The following CISD2 variants were observed in gnomAD, a reference collection of about 807,000 sequenced individuals.
CISD2 encodes the protein CDGSH iron sulfur domain 2.
In CISD2, 1 loss-of-function variant was observed where a neutral mutation model predicts 12.9. The observed-to-expected ratio is 0.08, with a 90% CI of 0.03 to 0.37. CISD2 has a LOEUF of 0.37. CISD2 is among the 10% of genes least tolerant of loss of function. The pLI is 0.99. For synonymous variants in CISD2, 50 were observed against 60.6 expected (o/e 0.83, Z 0.81); for missense variants, 97 against 163.1 (o/e 0.59, Z 2.21).
At chr4:102,886,339 A>C (rs1180905261) in intron 2 of CISD2, among the ~76,000 whole-genome samples, 2 of 151,982 alleles carry the variant, frequency 1.3e-5, no homozygotes, top group African/African-American at 2.4e-5. Context: ...AATACAAAAA[A>C]AATTAGCCAG....
chr4:102,872,259 G>A (rs1223313272), intron 1 of CISD2, among the ~76,000 whole-genome samples: 1 of 152,002 alleles, frequency 6.6e-6, no homozygotes, highest in Admixed American at 6.6e-5. Flanking sequence ...TAGTAGAGAC[G>A]GAGTTTCACC....
intron 1 of CISD2, among the ~76,000 whole-genome samples, chr4:102,873,350 C>A (rs1417238845): frequency 6.6e-6 from 1 of 152,200 alleles, no homozygotes. Context: ...CCACTCATTG[C>A]AGCCTTGACT....
In CISD2 at chr4:102,888,621, T is replaced by C. The variant is rs2110405871; in HGVS notation, c.*1191T>C. ...ATTATGAATCTTTTTAGTTTCATCT[T>C]ACATTACTACTCTCATAATAGCTAT... On this transcript the variant is annotated 3_prime_UTR_variant, in exon 3 of 3. Transcript: ENST00000273986. 6.6e-6 allele frequency: 1 copy of C among 152,392 alleles called. No individual in the cohort carries two copies. The highest frequency in any genetic ancestry group is 1.9e-4 in the East Asian group (1 of 5,196). 9.4% of individuals were successfully genotyped at this position (152,392 alleles called of 1,614,324 possible).
At chr4:102,886,893 G>T (rs1733953320) in intron 2 of CISD2, among the ~76,000 whole-genome samples, 1 of 152,172 alleles carries the variant, frequency 6.6e-6, no homozygotes, top group South Asian at 2.1e-4. Flanking sequence ...GGGATTACAG[G>T]CGTAAACTAC....
At chr4:102,869,507 C>T in intron 1 of CISD2, 1 of 702,552 alleles carries the variant, frequency 1.4e-6, no homozygotes, top group South Asian at 1.5e-5. Flanking sequence ...CTGCTCATCG[C>T]TCTCTGTAGC....
chr4:102,877,286 G>A (rs1309989397), intron 1 of CISD2, among the ~76,000 whole-genome samples: 2 of 152,202 alleles, frequency 1.3e-5, no homozygotes, highest in African/African-American at 4.8e-5. Context: ...AAGATACAAT[G>A]GCAGTACAGG....
intron 1 of CISD2, among the ~76,000 whole-genome samples, chr4:102,880,559 T>A (rs2110396567): frequency 6.6e-6 from 1 of 152,170 alleles, no homozygotes; most frequent in Middle Eastern, 3.4e-3. Context: ...ACGTCCATAA[T>A]CCCAGCTATT....
rs1396665186 is a variant in CISD2, at chr4:102,889,447, GTTTTCACACA to G, written c.*2019_*2028del. 6.6e-6 allele frequency: 1 copy of G among 152,142 alleles called. No individual in the cohort carries two copies. The highest frequency in any genetic ancestry group is 2.4e-5 in the African/African-American group (1 of 41,432). The allele number at this position is 152,142 out of a possible 1,614,324, so 9.4% of individuals were successfully genotyped here. A position where few individuals can be genotyped will look rare whatever the true frequency, so the allele number is the denominator to read the frequency against. ...CTATCACTGCATCTCACAGCAACTT[GTTTTCACACA>G]TGTTCTAGTGGTTCCCATAACTTAG... On this transcript the variant is annotated 3_prime_UTR_variant, in exon 3 of 3. Coordinates refer to ENST00000273986, the MANE Select transcript of CISD2 (RefSeq NM_001008388.5).
intron 1 of CISD2, among the ~76,000 whole-genome samples, chr4:102,873,493 T>C (rs1733515186): frequency 6.6e-6 from 1 of 152,090 alleles, no homozygotes; most frequent in African/African-American, 2.4e-5. Flanking sequence ...CAGGCTGGTC[T>C]TGAGCTCCTG....
rs1295538340 is a variant in CISD2, at chr4:102,869,066, GT to G, written c.-18del. 2.5e-6 allele frequency: 4 copies of G among 1,599,952 alleles called. No individual in the cohort carries two copies. In the African/African-American group the frequency reaches 5.4e-5, roughly 21 times the overall value. ...AGAGCGGAGGGGGCTCGGGAGAGGA[GT>G]GGACGCCGCTGGCCAGGATGGTGCT... On this transcript the variant is annotated 5_prime_UTR_variant, in exon 1 of 3. Transcript: ENST00000273986.
chr4:102,885,737 G>T (rs1733875454), intron 2 of CISD2, among the ~76,000 whole-genome samples: 1 of 152,150 alleles, frequency 6.6e-6, no homozygotes, highest in Non-Finnish European at 1.5e-5. Flanking sequence ...AAAAGCTTTG[G>T]TGTCATAGTA....
At chr4:102,878,784 T>A (rs181049874) in intron 1 of CISD2, among the ~76,000 whole-genome samples, 156 of 152,346 alleles carry the variant, frequency 1.0e-3, no homozygotes, top group Middle Eastern at 3.4e-3. Context: ...CTCTGCCAGT[T>A]ACCCAGTTCC....
At chr4:102,885,538 A>G (rs1453265126) in intron 2 of CISD2, 108 bp downstream of exon 2, 3 of 858,438 alleles carry the variant, frequency 3.5e-6, no homozygotes, top group African/African-American at 1.7e-5. Flanking sequence ...TTTCTGTAAT[A>G]TTTGGTATTG....
At chr4:102,886,638 CAG>C (rs1733935188) in intron 2 of CISD2, among the ~76,000 whole-genome samples, 1 of 151,846 alleles carries the variant, frequency 6.6e-6, no homozygotes, top group Non-Finnish European at 1.5e-5. Flanking sequence ...TTGCGGGGGA[CAG>C]AGTCTTGCTC....
At chr4:102,880,884 C>T (rs1395019077) in intron 1 of CISD2, among the ~76,000 whole-genome samples, 3 of 150,904 alleles carry the variant, frequency 2.0e-5, no homozygotes, top group East Asian at 2.0e-4. Flanking sequence ...CCCAGCTACT[C>T]GGGAGGTCAC....
rs564095499 is a variant in CISD2 at position 102,869,144 on chromosome 4, G to C, written c.60G>C (p.Arg20=). ...TGCAGCTCCCTGCATATCTGAAGCG[G>C]CTCCCAGTCCCTGAAAGCATTACCG... ...VKVQLPAYLK[R]LPVPESITGF... is the part of the protein sequence containing the mutation. The change falls in exon 1 of 3, where the codon CGG becomes CGC. Residue 20 remains arginine, a synonymous_variant. Coordinates refer to ENST00000273986, the MANE Select transcript of CISD2 (RefSeq NM_001008388.5). The C allele has an allele frequency of 3.5e-4, 563 of 1,612,716 alleles. 5 individuals are homozygous for C. The South Asian group carries it at 5.9e-3, about 17-fold the overall frequency.
At chr4:102,875,395 G>T (rs1050329277) in intron 1 of CISD2, among the ~76,000 whole-genome samples, 7 of 152,196 alleles carry the variant, frequency 4.6e-5, no homozygotes, top group Non-Finnish European at 1.0e-4. Flanking sequence ...ATACTAAATG[G>T]CAAGCTCCTT....
Position 102,888,246 on chromosome 4 carries a change from CT to C in CISD2, c.*821del, listed in dbSNP as rs1734040789. The C allele has an allele frequency of 6.6e-6, 1 of 152,130 alleles. No homozygotes were observed. The highest frequency in any genetic ancestry group is 1.5e-5 in the Non-Finnish European group (1 of 68,028). 9.4% of individuals were successfully genotyped at this position (152,130 alleles called of 1,614,324 possible). On this transcript the variant is annotated 3_prime_UTR_variant, in exon 3 of 3. Coordinates refer to ENST00000273986, the MANE Select transcript of CISD2 (RefSeq NM_001008388.5). ...ATTGTGTTTATGTGGATATTTTTCT[CT>C]TTTTAACACTATAAACCATTAAAAT...
At position 102,869,070 on chromosome 4, in the gene CISD2, A is replaced by G; in HGVS notation, c.-15A>G. ...CGGAGGGGGCTCGGGAGAGGAGTGG[A>G]CGCCGCTGGCCAGGATGGTGCTGGA... On this transcript the variant is annotated 5_prime_UTR_variant, in exon 1 of 3. Transcript: ENST00000273986. 6.2e-7 allele frequency: 1 copy of G among 1,602,338 alleles called. No individual in the cohort carries two copies. Among genetic ancestry groups the G allele is most frequent in the Non-Finnish European group, 8.5e-7 (1 of 1,175,204 alleles).
Sources: gnomAD v4.1 joint callset for allele counts (sites outside exome capture counted in the v4.1 genomes callset) on GRCh38, gnomAD v4.1.1 for gene constraint, MANE v1.5 for transcripts, NCBI Gene and HGNC (gene_info 2026-07-23, HGNC 2026-07-21) for gene names.